The following SPG11 variants were observed in gnomAD, a reference collection of about 807,000 sequenced individuals.
The protein encoded by SPG11 is SPG11 vesicle trafficking associated, spatacsin.
In SPG11, 222 loss-of-function variants were observed where a neutral mutation model predicts 274.0. That is an observed-to-expected ratio of 0.81 (90% CI 0.73 to 0.91). The LOEUF is 0.91. Ranked by LOEUF, SPG11 falls within the 40% of genes least tolerant of loss-of-function variation. The pLI is 0.00. For missense variants in SPG11, 3,114 were observed against 2,872.7 expected (o/e 1.08, Z -1.92); for synonymous variants, 1,144 against 1,039.7 (o/e 1.10, Z -1.93).
chr15:44,572,828 G>C lies in SPG11; in HGVS notation c.6206-8C>G. On this transcript the variant is annotated splice_polypyrimidine_tract_variant and splice_region_variant and intron_variant, in intron 32 of 39. Coordinates refer to ENST00000261866, the MANE Select transcript of SPG11 (RefSeq NM_025137.4). ...TGAACATCTGCTTATGTCCTGTACA[G>C]AGAGGTGTGAAGACAGGTGCTGGTT... 1 of 1,613,936 alleles carries C rather than the reference G, an allele frequency of 6.2e-7. No homozygotes were observed. The highest frequency in any genetic ancestry group is 8.5e-7 in the Non-Finnish European group (1 of 1,179,896).
At chr15:44,597,144 G>C in intron 23 of SPG11, 1 of 482,448 alleles carries the variant, frequency 2.1e-6, no homozygotes, top group Non-Finnish European at 3.5e-6. Context: ...ACAGAGTTTC[G>C]CTCTTGTTGC....
chr15:44,564,685 G>A lies in SPG11; in HGVS notation c.7013C>T (p.Ala2338Val), dbSNP rs368902742. 27 of 1,613,996 alleles carry A rather than the reference G, an allele frequency of 1.7e-5. No individual in the cohort carries two copies. Among genetic ancestry groups the A allele is most frequent in the Non-Finnish European group, 2.2e-5 (26 of 1,180,028 alleles). Residue 2338 changes from alanine to valine, a missense_variant, in exon 39 of 40, where the codon GCT (alanine) becomes GTT (valine). Coordinates refer to ENST00000261866, the MANE Select transcript of SPG11 (RefSeq NM_025137.4). Reference sequence around the variant, plus strand: ...ATCTGGAACAAAATCGTAGGCCTCAGCCACAATAGAAGCCTTAAAAGGAGA... The same window carrying A: ...ATCTGGAACAAAATCGTAGGCCTCAACCACAATAGAAGCCTTAAAAGGAGA... ...LPRFYQASIV[A>V]EAYDFVPDWA...
chr15:44,648,376 G>A (rs2084663880), intron 7 of SPG11, among the ~76,000 whole-genome samples: 1 of 152,090 alleles, frequency 6.6e-6, no homozygotes, highest in Non-Finnish European at 1.5e-5. Flanking sequence ...AGCTGGACAT[G>A]GTGGCGCGTG....
intron 26 of SPG11, among the ~76,000 whole-genome samples, chr15:44,594,861 G>C (rs1029658719): frequency 4.6e-5 from 7 of 152,198 alleles, no homozygotes; most frequent in African/African-American, 1.7e-4. Context: ...CTGTCATCCA[G>C]GCTGGAGTGC....
Position 44,596,237 on chromosome 15 carries a change from C to T in SPG11, c.4280G>A (p.Cys1427Tyr). 6.2e-7 allele frequency: 1 copy of T among 1,614,094 alleles called. No individual in the cohort carries two copies. The highest frequency in any genetic ancestry group is 8.5e-7 in the Non-Finnish European group (1 of 1,180,004). The change falls in exon 25 of 40, where the codon TGC becomes TAC. Residue 1427 changes from cysteine (C) to tyrosine (Y), a missense_variant. Physicochemically the swap from Cys to Tyr is radical, Grantham distance 194. Transcript: ENST00000261866. ...TTTGCTTCCTTGAAGTTCCTGGGGG[C>T]ACTTATTGCAGACTTGATCGCTGTC... ...KMDSDQVCNK[C>Y]PQELQGSKQE... is the part of the protein sequence containing the mutation.
At chr15:44,567,747 T>C (rs942138847) in intron 35 of SPG11, among the ~76,000 whole-genome samples, 155 bp from the exon 36 acceptor site, 2 of 152,154 alleles carry the variant, frequency 1.3e-5, no homozygotes, top group African/African-American at 2.4e-5. Flanking sequence ...GTCCCAAGTA[T>C]GAGGAAACAG....
intron 32 of SPG11, chr15:44,573,247 A>G: frequency 1.8e-6 from 1 of 555,934 alleles, no homozygotes; most frequent in Non-Finnish European, 3.2e-6. Flanking sequence ...GGCCTCCCAA[A>G]GTGCTGGGAT....
intron 20 of SPG11, among the ~76,000 whole-genome samples, chr15:44,604,588 AG>A (rs1380644136): frequency 6.6e-6 from 1 of 152,194 alleles, no homozygotes; most frequent in African/African-American, 2.4e-5. Context: ...TAAAACCATA[AG>A]AAAAAAGAAG....
Position 44,585,638 on chromosome 15 carries a change from C to G in SPG11, c.5119G>C (p.Glu1707Gln). Residue 1707 changes from glutamate to glutamine, a missense_variant and splice_region_variant, in exon 29 of 40, where the codon GAG (glutamate) becomes CAG (glutamine). Transcript: ENST00000261866. ...ELPVDNLVIK[E>Q]ITQEMQTLKH... ...AAAAAAAAAAAGACCGATGATACCT[C>G]TTTAATAACCAAGTTGTCCACAGGT... 2 of 1,408,002 alleles carry G rather than the reference C, an allele frequency of 1.4e-6. No individual in the cohort carries two copies. The highest frequency in any genetic ancestry group is 2.0e-6 in the Non-Finnish European group (2 of 1,002,960). The allele number at this position is 1,408,002 out of a possible 1,614,324, so 87.2% of individuals were successfully genotyped here.
rs371685057 is a variant in SPG11 at position 44,569,547 on chromosome 15, T to C, written c.6478-42A>G. 4.2e-6 allele frequency: 6 copies of C among 1,430,098 alleles called. No individual in the cohort carries two copies. In the African/African-American group the frequency reaches 5.7e-5, roughly 13 times the overall value. The allele number at this position is 1,430,098 out of a possible 1,614,324, so 88.6% of individuals were successfully genotyped here. A position where few individuals can be genotyped will look rare whatever the true frequency, so the allele number is the denominator to read the frequency against. ...CAGCTCGCATCAGCATCACCTGGAG[T>C]CTGGAGTTCTCTGAGCCAGACAACT... On this transcript the variant is annotated intron_variant, in intron 34 of 39. Transcript: ENST00000261866.
chr15:44,572,850 G>T, intron 32 of SPG11, 30 bp from the exon 33 acceptor site: 1 of 1,613,664 alleles, frequency 6.2e-7, no homozygotes, highest in Non-Finnish European at 8.5e-7. Context: ...GACAGGTGCT[G>T]GTTTTATCTA....
At chr15:44,657,635 T>A (rs369655989) in intron 3 of SPG11, among the ~76,000 whole-genome samples, 5 of 152,346 alleles carry the variant, frequency 3.3e-5, no homozygotes, top group African/African-American at 1.2e-4. Flanking sequence ...ATTATCAACA[T>A]GCAGTCAGTA....
At position 44,626,430 on chromosome 15, in the gene SPG11, A is replaced by G. The variant is rs761155521; in HGVS notation, c.2145T>C (p.Ala715=). ...TGCCAATAAGCTCCTCAAGTTTTTGAGCAGAATGACTATCAATCCTGAAGA... is the reference window on the plus strand; with the variant it reads ...TGCCAATAAGCTCCTCAAGTTTTTGGGCAGAATGACTATCAATCCTGAAGA... The part of the protein sequence containing the change: ...QTFFRIDSHS[A]QKLEELIGIG... The change falls in exon 11 of 40, where the codon GCT becomes GCC. Residue 715 remains alanine (A), a synonymous_variant. Coordinates refer to ENST00000261866, the MANE Select transcript of SPG11 (RefSeq NM_025137.4). 10 of 1,613,890 alleles carry G rather than the reference A, an allele frequency of 6.2e-6. No individual in the cohort carries two copies. Among genetic ancestry groups the G allele is most frequent in the Non-Finnish European group, 7.6e-6 (9 of 1,179,968 alleles).
At chr15:44,645,283 A>C (rs1254342222) in intron 7 of SPG11, among the ~76,000 whole-genome samples, 1 of 152,198 alleles carries the variant, frequency 6.6e-6, no homozygotes, top group Non-Finnish European at 1.5e-5. Flanking sequence ...ATAGACCAAT[A>C]GAACAGAACA....
rs1470638647 is a variant in SPG11 at position 44,657,169 on chromosome 15, A to G, written c.795T>C (p.Ser265=). The change falls in exon 4 of 40, where the codon TCT becomes TCC. Residue 265 remains serine (S), a synonymous_variant. Coordinates refer to ENST00000261866, the MANE Select transcript of SPG11 (RefSeq NM_025137.4). ...KISSFTSLKV[S]QDLDVAVIVS... ...CAATCACTGCAACATCGAGGTCTTG[A>G]GAAACTTTCAGTGAAGTAAATGAAG... is the stretch of plus-strand genomic sequence containing the variant. 1 of 1,614,232 alleles carries G rather than the reference A, an allele frequency of 6.2e-7. No individual in the cohort carries two copies. The highest frequency in any genetic ancestry group is 8.5e-7 in the Non-Finnish European group (1 of 1,180,040).
chr15:44,617,479 G>A (rs1372495948), intron 15 of SPG11, among the ~76,000 whole-genome samples: 1 of 152,176 alleles, frequency 6.6e-6, no homozygotes, highest in East Asian at 1.9e-4. Context: ...CAAAAAGATG[G>A]TTCTTTCTCC....
chr15:44,643,923 G>C (rs936996255), intron 7 of SPG11, among the ~76,000 whole-genome samples: 9 of 152,038 alleles, frequency 5.9e-5, no homozygotes, highest in African/African-American at 2.2e-4. Context: ...CAGCACTTTG[G>C]GAGGCTGAGG....
chr15:44,573,577 G>C lies in SPG11; in HGVS notation c.6175C>G (p.Arg2059Gly), dbSNP rs755438310. Residue 2059 changes from arginine to glycine, a missense_variant, in exon 32 of 40, where the codon CGG becomes GGG. Transcript: ENST00000261866. ...VAELVAEEVT[R>G]ELLTSSQGTG... ...CCCTGTGATGAAGTAAGCAGCTCCC[G>C]TGTCACCTCTTCTGCCACGAGTTCA... 3 of 1,614,126 alleles carry C rather than the reference G, an allele frequency of 1.9e-6. No individual in the cohort carries two copies. The highest frequency in any genetic ancestry group is 2.5e-6 in the Non-Finnish European group (3 of 1,180,030).
At chr15:44,586,808 G>A (rs138489400) in intron 28 of SPG11, among the ~76,000 whole-genome samples, 41 of 152,292 alleles carry the variant, frequency 2.7e-4, no homozygotes, top group African/African-American at 9.6e-4. Flanking sequence ...CTCCTACCTT[G>A]ATCAAATTTG....
Sources: allele counts gnomAD v4.1 joint callset (sites outside exome capture counted in the v4.1 genomes callset), GRCh38; gene constraint gnomAD v4.1.1; transcripts MANE v1.5; gene names NCBI Gene and HGNC (gene_info 2026-07-23, HGNC 2026-07-21).